PCDHGB3: variants seen among roughly 807,000 people sequenced by gnomAD.
The protein encoded by PCDHGB3 is protocadherin gamma-B3.
In PCDHGB3, 40 loss-of-function variants were observed where a neutral mutation model predicts 59.2. That is an observed-to-expected ratio of 0.68 (90% CI 0.52 to 0.88). The LOEUF (loss-of-function observed/expected upper bound fraction) is 0.88, where lower values mean the gene tolerates loss of function less well. Ranked by LOEUF, PCDHGB3 falls within the 40% of genes least tolerant of loss-of-function variation. PCDHGB3 has a pLI of 0.00. For missense variants in PCDHGB3, 1,309 were observed against 1,187.9 expected (o/e 1.10, Z -1.50); for synonymous variants, 581 against 503.6 (o/e 1.15, Z -2.06).
chr5:141,375,664 C>A (rs766359955), intron 1 of PCDHGB3: 2 of 1,614,256 alleles, frequency 1.2e-6, no homozygotes, highest in East Asian at 4.5e-5. Context: ...AGTTGAGAGA[C>A]CTACAGCTGT....
intron 1 of PCDHGB3, chr5:141,384,693 A>G (rs1345115245): frequency 3.1e-6 from 5 of 1,614,042 alleles, no homozygotes; most frequent in Non-Finnish European, 4.2e-6. Context: ...ACAAAGATTC[A>G]GGCCAGAACG....
chr5:141,486,452 G>T lies in PCDHGB3; in HGVS notation c.2416-8355G>T. 6.2e-7 allele frequency: 1 copy of T among 1,614,152 alleles called. No homozygotes were observed. Among genetic ancestry groups the T allele is most frequent in the Non-Finnish European group, 8.5e-7 (1 of 1,179,996 alleles). Reference sequence around the variant, plus strand: ...ATCTAGCTATGACATCATGGTCACTGCTTCTGATGCTGGGAACCCTCCTCT... The same window carrying T: ...ATCTAGCTATGACATCATGGTCACTTCTTCTGATGCTGGGAACCCTCCTCT... On this transcript the variant is annotated intron_variant, in intron 1 of 3. Coordinates refer to ENST00000576222, the MANE Select transcript of PCDHGB3 (RefSeq NM_018924.5). This position sits in a 1 kb window ranked among gnomAD's most constrained non-coding sequence, Gnocchi z 5.0.
chr5:141,417,869 A>C, intron 1 of PCDHGB3: 2 of 1,553,552 alleles, frequency 1.3e-6, no homozygotes, highest in South Asian at 2.4e-5. Context: ...GATGGGAGGG[A>C]GCTGCGCGCA....
intron 1 of PCDHGB3, among the ~76,000 whole-genome samples, chr5:141,438,745 T>C (rs1004731034): frequency 4.7e-5 from 7 of 147,392 alleles, no homozygotes; most frequent in Non-Finnish European, 1.0e-4. Flanking sequence ...CACTGCAACC[T>C]CTGCCTCCTG....
rs182936964 is a variant in PCDHGB3, at chr5:141,502,069, T to C, written c.2475-3324T>C. 1.1e-3 allele frequency among the ~76,000 whole-genome samples: 175 copies of C among 152,186 alleles called. 1 individual carries two copies. Among genetic ancestry groups the C allele is most frequent in the African/African-American group, 3.9e-3 (162 of 41,524 alleles). ...CCCTACTTTATTCCCATTAGCCCCC[T>C]TCACCTGGGGCTGAGAACACCTGGC... On this transcript the variant is annotated intron_variant, in intron 2 of 3. Coordinates refer to ENST00000576222, the MANE Select transcript of PCDHGB3 (RefSeq NM_018924.5).
intron 1 of PCDHGB3, among the ~76,000 whole-genome samples, chr5:141,455,250 A>C (rs1016027355): frequency 2.0e-5 from 3 of 152,172 alleles, no homozygotes; most frequent in Non-Finnish European, 2.9e-5. Flanking sequence ...GTCATAGTAC[A>C]ATCGCATTTC....
At chr5:141,473,779 T>C (rs2099328680) in intron 1 of PCDHGB3, among the ~76,000 whole-genome samples, 1 of 152,204 alleles carries the variant, frequency 6.6e-6, no homozygotes, top group Non-Finnish European at 1.5e-5. Context: ...GGTATTTTAA[T>C]TCAAGAGCAG....
intron 1 of PCDHGB3, chr5:141,378,008 G>C (rs1168840541): frequency 6.6e-6 from 1 of 152,090 alleles, no homozygotes; most frequent in Non-Finnish European, 1.5e-5. Context: ...GCTCAAATAA[G>C]CTCTACTTAT....
intron 1 of PCDHGB3, among the ~76,000 whole-genome samples, chr5:141,379,981 C>A (rs968805615): frequency 1.5e-5 from 2 of 135,234 alleles, no homozygotes; most frequent in East Asian, 5.0e-4. Flanking sequence ...CTCACTGCAA[C>A]TTCCTCCTCC....
chr5:141,398,175 G>C, intron 1 of PCDHGB3: 1 of 1,475,074 alleles, frequency 6.8e-7, no homozygotes, highest in Non-Finnish European at 9.0e-7. Flanking sequence ...GGCTGCCAGT[G>C]CTCTTTCTCT....
Position 141,489,493 on chromosome 5 carries a change from G to A in PCDHGB3, c.2416-5314G>A, listed in dbSNP as rs1485293604. ...CCTGAGCTTGATGAGTGGTGCCCTG[G>A]CAGTGAATCAAAAGATTGACCGAGA... On this transcript the variant is annotated intron_variant, in intron 1 of 3. Coordinates refer to ENST00000576222, the MANE Select transcript of PCDHGB3 (RefSeq NM_018924.5). The surrounding 1 kb of genome is among the most constrained non-coding windows in gnomAD (Gnocchi z 4.5). The A allele has an allele frequency of 1.2e-6, 2 of 1,613,960 alleles. No homozygotes were observed. Among genetic ancestry groups the A allele is most frequent in the Non-Finnish European group, 1.7e-6 (2 of 1,180,038 alleles).
intron 1 of PCDHGB3, chr5:141,403,746 C>G (rs773668506): frequency 1.2e-6 from 2 of 1,613,904 alleles, no homozygotes; most frequent in Non-Finnish European, 8.5e-7. Flanking sequence ...CTTACTGCAA[C>G]AGCCAGCGAC....
At chr5:141,374,737 C>A in intron 1 of PCDHGB3, 2 of 1,610,672 alleles carry the variant, frequency 1.2e-6, no homozygotes, top group Non-Finnish European at 1.7e-6. Context: ...TGGATGGCGG[C>A]GACCCTGTCC....
chr5:141,475,731 C>T (rs991175739), intron 1 of PCDHGB3, among the ~76,000 whole-genome samples: 1 of 152,248 alleles, frequency 6.6e-6, no homozygotes, highest in African/African-American at 2.4e-5. Context: ...GGCTGGCTTT[C>T]CCTAAGGTAG....
chr5:141,397,953 C>A, intron 1 of PCDHGB3: 2 of 962,110 alleles, frequency 2.1e-6, no homozygotes. Flanking sequence ...CAGGGCAGCC[C>A]CAGCTCAGAC....
At chr5:141,419,210 GTTT>G in intron 1 of PCDHGB3, 1 of 1,613,926 alleles carries the variant, frequency 6.2e-7, no homozygotes, top group East Asian at 2.2e-5. Flanking sequence ...CAACGCGCCG[GTTT>G]TCGGACAGTC....
Position 141,432,326 on chromosome 5 carries a change from G to C in PCDHGB3, c.2415+59517G>C. The C allele has an allele frequency of 1.2e-6, 2 of 1,614,228 alleles. No individual in the cohort carries two copies. The highest frequency in any genetic ancestry group is 2.2e-5 in the East Asian group (1 of 44,890). On this transcript the variant is annotated intron_variant, in intron 1 of 3. Transcript: ENST00000576222. This position sits in a 1 kb window ranked among gnomAD's most constrained non-coding sequence, Gnocchi z 6.0. ...GTATGCGCTGAGCTCCTTCGACTAC[G>C]AGCAGTTCCGAGACTTGCAAGTGAA...
chr5:141,413,695 T>C lies in PCDHGB3; in HGVS notation c.2415+40886T>C, dbSNP rs573363878. The C allele has an allele frequency of 4.8e-5, 77 of 1,613,796 alleles. 1 individual carries two copies. The highest frequency in any genetic ancestry group is 3.0e-4 in the South Asian group (27 of 91,078). ...TGTGGGCGTGAACTCCCTGCAGAGC[T>C]ATCAGCTCAGCCCCAATAAGCACTT... On this transcript the variant is annotated intron_variant, in intron 1 of 3. Transcript: ENST00000576222.
intron 1 of PCDHGB3, among the ~76,000 whole-genome samples, chr5:141,436,477 G>A (rs748354852): frequency 1.3e-5 from 2 of 152,168 alleles, no homozygotes; most frequent in Non-Finnish European, 2.9e-5. Context: ...ATGTATCATA[G>A]AAGGATAGCA....
Sources: gnomAD v4.1 joint callset for allele counts (sites outside exome capture counted in the v4.1 genomes callset) on GRCh38, gnomAD v4.1.1 for gene constraint, Gnocchi (gnomAD v3.1) non-coding constraint, MANE v1.5 for transcripts, NCBI Gene and HGNC (gene_info 2026-07-23, HGNC 2026-07-21) for gene names.